XYLT1: variants seen among roughly 807,000 people sequenced by gnomAD.
XYLT1 encodes beta-D-xylosyltransferase 1.
A neutral mutation model predicts 91.3 loss-of-function variants in XYLT1; 36 were observed. That is an observed-to-expected ratio of 0.39 (90% confidence interval 0.30 to 0.52). XYLT1 has a LOEUF of 0.52. XYLT1 is among the 20% of genes least tolerant of loss of function. The pLI is 0.68. For synonymous variants in XYLT1, 588 were observed against 532.0 expected, an observed-to-expected ratio of 1.11 and a Z score of -1.45; for missense variants, 1,242 against 1,284.5, an observed-to-expected ratio of 0.97 and a Z score of 0.51.
At chr16:17,147,414 T>C (rs527322816) in intron 6 of XYLT1, among the ~76,000 whole-genome samples, 2 of 152,324 alleles carry the variant, frequency 1.3e-5, no homozygotes, top group East Asian at 3.9e-4. Flanking sequence ...AGTTTTTAAT[T>C]TCATGTTCCA....
chr16:17,397,333 G>C (rs1356914548), intron 1 of XYLT1, among the ~76,000 whole-genome samples: 1 of 152,112 alleles, frequency 6.6e-6, no homozygotes, highest in Non-Finnish European at 1.5e-5. Context: ...TGGCTCATGG[G>C]CCCAGAAACA....
In XYLT1 at chr16:17,315,971, G is replaced by T. The variant is rs76923604; in HGVS notation, c.402+42041C>A. Among the ~76,000 whole-genome samples the T allele has an allele frequency of 8.5e-5, 13 of 152,238 alleles. No individual in the cohort carries two copies. The South Asian group carries it at 2.7e-3, about 32-fold the overall frequency. On this transcript the variant is annotated intron_variant, in intron 2 of 11. Transcript: ENST00000261381. ...ATGATCTGTAAAGTCCCTAGAAGAC[G>T]CCAGGAGAAGCTTAGGAAATTGCAG... is the stretch of plus-strand genomic sequence containing the variant.
intron 1 of XYLT1, among the ~76,000 whole-genome samples, chr16:17,401,814 A>G (rs183949512): frequency 6.6e-6 from 1 of 152,192 alleles, no homozygotes; most frequent in East Asian, 1.9e-4. Context: ...AAAAATTATT[A>G]CAGAAATAAT....
At chr16:17,265,719 G>A (rs187294967) in intron 2 of XYLT1, among the ~76,000 whole-genome samples, 181 of 151,892 alleles carry the variant, frequency 1.2e-3, no homozygotes, top group African/African-American at 2.2e-3. Context: ...CCTGACCCAC[G>A]CTGCTGCTGC....
In XYLT1 at chr16:17,182,417, C is replaced by T. The variant is rs554155113; in HGVS notation, c.1289+15795G>A. Among the ~76,000 whole-genome samples the T allele has an allele frequency of 2.0e-3, 307 of 152,264 alleles. 1 individual carries two copies. Among genetic ancestry groups the T allele is most frequent in the African/African-American group, 7.2e-3 (298 of 41,560 alleles). Reference sequence around the variant, plus strand: ...CTCTGGTGTCTCTTATAAAGAAGGACACTCCTTCTATAGGATCAGGGCTCC... The same window carrying T: ...CTCTGGTGTCTCTTATAAAGAAGGATACTCCTTCTATAGGATCAGGGCTCC... On this transcript the variant is annotated intron_variant, in intron 5 of 11. Transcript: ENST00000261381.
chr16:17,120,180 A>T (rs1289411469), intron 10 of XYLT1, among the ~76,000 whole-genome samples: 1 of 152,320 alleles, frequency 6.6e-6, no homozygotes, highest in East Asian at 1.9e-4. Context: ...AATTAAAAGG[A>T]TACTATTTAT....
At chr16:17,228,412 G>A (rs2033104574) in intron 3 of XYLT1, among the ~76,000 whole-genome samples, 4 of 152,176 alleles carry the variant, frequency 2.6e-5, no homozygotes, top group Admixed American at 2.0e-4. Flanking sequence ...CTGGTCACAG[G>A]CAAACCTTGT....
chr16:17,145,971 C>T (rs1421431182), intron 6 of XYLT1, among the ~76,000 whole-genome samples: 2 of 152,196 alleles, frequency 1.3e-5, no homozygotes, highest in Non-Finnish European at 2.9e-5. Context: ...GGACTTTGTG[C>T]CTCCCTTCCA....
At chr16:17,462,940 A>T (rs1158124884) in intron 1 of XYLT1, among the ~76,000 whole-genome samples, 1 of 152,218 alleles carries the variant, frequency 6.6e-6, no homozygotes, top group African/African-American at 2.4e-5. Context: ...CCACACTTTA[A>T]TATCAACTCA....
chr16:17,139,463 G>C (rs2030895494), intron 7 of XYLT1, among the ~76,000 whole-genome samples: 1 of 152,310 alleles, frequency 6.6e-6, no homozygotes, highest in Non-Finnish European at 1.5e-5. Flanking sequence ...CACACACGGA[G>C]CTTTGGTCAC....
At chr16:17,288,722 C>T (rs987754277) in intron 2 of XYLT1, among the ~76,000 whole-genome samples, 6 of 152,110 alleles carry the variant, frequency 3.9e-5, no homozygotes, top group Admixed American at 1.3e-4. Flanking sequence ...CACGTGGAGG[C>T]GAGTCCAAAT....
chr16:17,134,765 C>G, intron 8 of XYLT1, 30 bp from the exon 9 acceptor site: 1 of 1,608,950 alleles, frequency 6.2e-7, no homozygotes, highest in Non-Finnish European at 8.5e-7. Context: ...AATAGAAAAG[C>G]CACATCAGCG....
chr16:17,441,016 G>A (rs2036525678), intron 1 of XYLT1, among the ~76,000 whole-genome samples: 1 of 152,094 alleles, frequency 6.6e-6, no homozygotes, highest in Non-Finnish European at 1.5e-5. Flanking sequence ...AGGACTCAGA[G>A]TAGTGCCAGG....
intron 2 of XYLT1, among the ~76,000 whole-genome samples, chr16:17,317,998 C>T (rs538987458): frequency 3.5e-4 from 53 of 152,326 alleles, no homozygotes; most frequent in African/African-American, 1.1e-3. Flanking sequence ...AGTCATTACC[C>T]GTCTTGTCAC....
At chr16:17,116,640 G>T (rs1330653024) in intron 11 of XYLT1, among the ~76,000 whole-genome samples, 1 of 152,178 alleles carries the variant, frequency 6.6e-6, no homozygotes, top group South Asian at 2.1e-4. Flanking sequence ...GAGCATTTCT[G>T]CACATGTCTC....
intron 2 of XYLT1, among the ~76,000 whole-genome samples, chr16:17,282,960 A>AC (rs11392637): frequency 0.15 from 22,775 of 151,194 alleles, 2,003 homozygotes; most frequent in African/African-American, 0.24. Context: ...GCAATAAGTC[A>AC]CCCCCCCCAA....
chr16:17,339,690 T>C (rs1035987621), intron 2 of XYLT1, among the ~76,000 whole-genome samples: 4 of 152,230 alleles, frequency 2.6e-5, no homozygotes, highest in African/African-American at 9.6e-5. Context: ...TATCCTGCTG[T>C]AGACAGTGAG....
intron 2 of XYLT1, among the ~76,000 whole-genome samples, chr16:17,273,538 C>G (rs2033926216): frequency 1.3e-5 from 2 of 152,184 alleles, no homozygotes; most frequent in Admixed American, 1.3e-4. Flanking sequence ...AGCAATTCGT[C>G]TGCACATCAA....
chr16:17,328,548 CAAAAAAAAAAAAA>C (rs71373105), intron 2 of XYLT1, among the ~76,000 whole-genome samples: 34 of 51,256 alleles, frequency 6.6e-4, no homozygotes, highest in Non-Finnish European at 7.8e-4. Flanking sequence ...GACTCCTTCT[CAAAAAAAAAAAAA>C]AAAAAAAAAA....
Sources: gnomAD v4.1 joint callset for allele counts (sites outside exome capture counted in the v4.1 genomes callset) on GRCh38, gnomAD v4.1.1 for gene constraint, MANE v1.5 for transcripts, NCBI Gene and HGNC (gene_info 2026-07-23, HGNC 2026-07-21) for gene names.